The following GRAP2 variants were observed in gnomAD, a reference collection of about 807,000 sequenced individuals.
The protein encoded by GRAP2 is GRB2 related adaptor protein 2.
In GRAP2, 31 loss-of-function variants were observed where a neutral mutation model predicts 43.5. The ratio of observed to expected loss-of-function variants is 0.71; its 90% CI spans 0.54 to 0.96. The LOEUF (loss-of-function observed/expected upper bound fraction) is 0.96. GRAP2 is among the 40% of genes least tolerant of loss of function. The probability of loss-of-function intolerance (pLI) is 0.00; values close to 1 mark genes in which losing one functional copy is unlikely to be tolerated. For synonymous variants in GRAP2, 156 were observed against 164.8 expected (o/e 0.95, Z 0.41); for missense variants, 371 against 424.4 (o/e 0.87, Z 1.11).
At chr22:39,939,684 T>C (rs761330100) in intron 1 of GRAP2, among the ~76,000 whole-genome samples, 9 of 151,172 alleles carry the variant, frequency 6.0e-5, no homozygotes, top group Non-Finnish European at 1.0e-4. Context: ...CTGAGGCAGG[T>C]GATCATCTGA....
At chr22:39,946,970 C>G in intron 1 of GRAP2, 123 bp from the exon 2 acceptor site, 1 of 681,818 alleles carries the variant, frequency 1.5e-6, no homozygotes, top group Non-Finnish European at 2.7e-6. Context: ...GAGCCTTGCT[C>G]TCCGGCCTGG....
chr22:39,954,405 AT>A (rs895052913), intron 2 of GRAP2, among the ~76,000 whole-genome samples: 6 of 150,480 alleles, frequency 4.0e-5, no homozygotes, highest in African/African-American at 9.8e-5. Context: ...CTTAAAAAAA[AT>A]TTTTTTTTTG....
rs61752259 is a variant in GRAP2 at position 39,968,118 on chromosome 22, G to A, written c.536G>A (p.Arg179Gln). The A allele has an allele frequency of 9.0e-3, 14,463 of 1,608,518 alleles. 107 individuals are homozygous for A. The highest frequency in any genetic ancestry group is 0.015 in the South Asian group (1,361 of 90,212). Reference protein sequence around the residue: ...HLSGAVGEEIRPSMNRKLSDH... With the variant: ...HLSGAVGEEIQPSMNRKLSDH... ...AGTGGGGCTGTGGGAGAAGAAATCCGACCTTCGATGAACCGGAAGCTGTCG... is the reference window on the plus strand; with the variant it reads ...AGTGGGGCTGTGGGAGAAGAAATCCAACCTTCGATGAACCGGAAGCTGTCG... The change falls in exon 6 of 8, where the codon CGA becomes CAA. Residue 179 changes from arginine (R) to glutamine (Q), a missense_variant. Transcript: ENST00000344138.
chr22:39,915,877 A>G (rs1271343697), intron 1 of GRAP2, among the ~76,000 whole-genome samples: 2 of 152,180 alleles, frequency 1.3e-5, no homozygotes, highest in Non-Finnish European at 2.9e-5. Flanking sequence ...AGGGGCACGG[A>G]CGCTTCCATC....
intron 1 of GRAP2, among the ~76,000 whole-genome samples, chr22:39,911,183 T>A (rs958605297): frequency 7.9e-5 from 12 of 152,224 alleles, no homozygotes; most frequent in Admixed American, 7.8e-4. Flanking sequence ...TTCAGAAGAC[T>A]TGATTATCCT....
At chr22:39,970,882 C>T (rs1053587870) in intron 7 of GRAP2, 23 bp from the exon 8 acceptor site, 2 of 1,570,034 alleles carry the variant, frequency 1.3e-6, no homozygotes, top group East Asian at 2.3e-5. Context: ...TCAGCAGAGC[C>T]TCTTCTGTGC....
intron 1 of GRAP2, among the ~76,000 whole-genome samples, chr22:39,907,176 C>T (rs544953576): frequency 9.3e-5 from 14 of 149,962 alleles, no homozygotes; most frequent in South Asian, 2.2e-4. Context: ...ACCATAAATA[C>T]GCTGATATCC....
intron 1 of GRAP2, among the ~76,000 whole-genome samples, chr22:39,941,860 G>A (rs1329765401): frequency 6.6e-6 from 1 of 151,740 alleles, no homozygotes; most frequent in African/African-American, 2.4e-5. Context: ...AACAGGAGAG[G>A]TGTTTTTTTT....
intron 1 of GRAP2, among the ~76,000 whole-genome samples, chr22:39,941,548 A>G (rs1695096459): frequency 6.6e-6 from 1 of 152,180 alleles, no homozygotes; most frequent in African/African-American, 2.4e-5. Context: ...TGTGTTTTTG[A>G]CCTTGAGCTA....
chr22:39,945,836 G>A (rs1176899968), intron 1 of GRAP2, among the ~76,000 whole-genome samples: 2 of 152,144 alleles, frequency 1.3e-5, no homozygotes, highest in African/African-American at 2.4e-5. Context: ...TTTATCTGGT[G>A]TAATACTTTG....
At chr22:39,944,099 G>A (rs990701200) in intron 1 of GRAP2, among the ~76,000 whole-genome samples, 3 of 152,040 alleles carry the variant, frequency 2.0e-5, no homozygotes, top group South Asian at 4.2e-4. Flanking sequence ...GTTGCACTCC[G>A]CCCCCCACAA....
At chr22:39,908,659 A>G (rs2066538955) in intron 1 of GRAP2, among the ~76,000 whole-genome samples, 1 of 152,226 alleles carries the variant, frequency 6.6e-6, no homozygotes, top group South Asian at 2.1e-4. Flanking sequence ...TGAATGCAGA[A>G]GTCCTGAGAC....
At chr22:39,937,222 C>T (rs769796886) in intron 1 of GRAP2, among the ~76,000 whole-genome samples, 16 of 152,176 alleles carry the variant, frequency 1.1e-4, no homozygotes, top group Non-Finnish European at 1.9e-4. Context: ...AGCTGGTTCA[C>T]GTTTCTAGGC....
At chr22:39,897,172 G>A (rs935339291), upstream of GRAP2, among the ~76,000 whole-genome samples, 3 of 151,976 alleles carry the variant, frequency 2.0e-5, no homozygotes, top group Admixed American at 2.0e-4. Flanking sequence ...TCCTGGTCTT[G>A]CCTTCCAAAC....
chr22:39,966,305 T>C, intron 5 of GRAP2, 147 bp downstream of exon 5: 1 of 643,584 alleles, frequency 1.6e-6, no homozygotes, highest in Non-Finnish European at 2.7e-6. Context: ...AGATCTCAAC[T>C]TAACACTTCC....
At chr22:39,941,973 GCT>G (rs1303000170) in intron 1 of GRAP2, among the ~76,000 whole-genome samples, 2 of 151,948 alleles carry the variant, frequency 1.3e-5, no homozygotes, top group Non-Finnish European at 2.9e-5. Flanking sequence ...AGGCAGGTGT[GCT>G]CTGTTTTAAG....
In GRAP2 at chr22:39,973,604, A is replaced by ATGGGTTT. The variant is rs2067266820; in HGVS notation, c.*2520_*2521insTGGGTTT. The ATGGGTTT allele has an allele frequency of 1.3e-5, 2 of 152,332 alleles. No homozygotes were observed. The allele number at this position is 152,332 out of a possible 1,614,324, so 9.4% of individuals were successfully genotyped here. A position where few individuals can be genotyped will look rare whatever the true frequency, so the allele number is the denominator to read the frequency against. On this transcript the variant is annotated 3_prime_UTR_variant, in exon 8 of 8. Transcript: ENST00000344138. ...GGGAAAGTCACCCAAACCACCTACA[A>ATGGGTTT]GGAATGAGGGCTCTTAGCGGCCAGG...
chr22:39,907,049 T>A (rs1569190682), intron 1 of GRAP2, among the ~76,000 whole-genome samples: 1 of 152,188 alleles, frequency 6.6e-6, no homozygotes. Context: ...GCTAAATAGA[T>A]TTGTTTGAAA....
chr22:39,968,325 C>T, intron 6 of GRAP2, 53 bp downstream of exon 6: 2 of 1,579,962 alleles, frequency 1.3e-6, no homozygotes, highest in Middle Eastern at 1.7e-4. Flanking sequence ...GAACCTGCCT[C>T]CCCTCCAGGC....
Sources: gnomAD v4.1 joint callset for allele counts (sites outside exome capture counted in the v4.1 genomes callset) on GRCh38, gnomAD v4.1.1 for gene constraint, MANE v1.5 for transcripts, NCBI Gene and HGNC (gene_info 2026-07-23, HGNC 2026-07-21) for gene names.